KCNIP4: variants seen among roughly 807,000 people sequenced by gnomAD.
The protein encoded by KCNIP4 is Kv channel-interacting protein 4.
A neutral mutation model predicts 34.0 loss-of-function variants in KCNIP4; 12 were observed. The observed-to-expected ratio is 0.35, with a 90% CI of 0.23 to 0.57. The LOEUF is 0.57. Among genes scored for constraint, KCNIP4 ranks in the 20% least tolerant of loss-of-function variants. The pLI is 0.83. For synonymous variants in KCNIP4, 124 were observed against 102.2 expected, an observed-to-expected ratio of 1.21 and a Z score of -1.29; for missense variants, 238 against 311.7, an observed-to-expected ratio of 0.76 and a Z score of 1.78.
chr4:20,770,331 G>C lies in KCNIP4; in HGVS notation c.289-11441C>G, dbSNP rs774238726. On this transcript the variant is annotated intron_variant, in intron 3 of 8. Coordinates refer to ENST00000382152, the MANE Select transcript of KCNIP4 (RefSeq NM_025221.6). ...CCAAAATTCAATATTTTTTATGAGTGCTAAGAATAGTATCCCATATGCTGA... is the reference window on the plus strand; with the variant it reads ...CCAAAATTCAATATTTTTTATGAGTCCTAAGAATAGTATCCCATATGCTGA... 1.1e-3 allele frequency among the ~76,000 whole-genome samples: 161 copies of C among 152,310 alleles called. 1 individual carries two copies. The highest frequency in any genetic ancestry group is 3.4e-3 in the Middle Eastern group (1 of 294).
intron 1 of KCNIP4, among the ~76,000 whole-genome samples, chr4:21,338,001 T>G (rs1716346887): frequency 6.6e-6 from 1 of 152,180 alleles, no homozygotes; most frequent in Non-Finnish European, 1.5e-5. Context: ...TGACCCATGC[T>G]CCTTCCACTT....
chr4:21,284,418 A>G (rs1395822078), intron 1 of KCNIP4, among the ~76,000 whole-genome samples: 2 of 152,204 alleles, frequency 1.3e-5, no homozygotes, highest in African/African-American at 4.8e-5. Context: ...TGCAGATGTC[A>G]TTCCAGAAAA....
intron 1 of KCNIP4, among the ~76,000 whole-genome samples, chr4:21,258,179 C>T (rs1761205038): frequency 6.6e-6 from 1 of 152,126 alleles, no homozygotes; most frequent in African/African-American, 2.4e-5. Context: ...ACTTCACATA[C>T]AAATATATGT....
At chr4:21,245,027 A>G (rs191399287) in intron 1 of KCNIP4, among the ~76,000 whole-genome samples, 1 of 152,206 alleles carries the variant, frequency 6.6e-6, no homozygotes, top group Non-Finnish European at 1.5e-5. Flanking sequence ...ATGCCTTTCT[A>G]TCGTATACGA....
At chr4:20,805,185 CCTTTT>C (rs1478482269) in intron 3 of KCNIP4, among the ~76,000 whole-genome samples, 15 of 67,158 alleles carry the variant, frequency 2.2e-4, no homozygotes, top group Non-Finnish European at 2.8e-4. Flanking sequence ...ATAGATGCTT[CCTTTT>C]TTTTTTTTTT....
intron 1 of KCNIP4, among the ~76,000 whole-genome samples, chr4:21,770,939 T>C (rs1718739558): frequency 6.6e-6 from 1 of 152,196 alleles, no homozygotes; most frequent in Non-Finnish European, 1.5e-5. Flanking sequence ...AGAAGCTCTT[T>C]AGTTTAATTA....
At chr4:21,156,138 T>C (rs1012972335) in intron 1 of KCNIP4, among the ~76,000 whole-genome samples, 1 of 152,164 alleles carries the variant, frequency 6.6e-6, no homozygotes, top group Non-Finnish European at 1.5e-5. Flanking sequence ...TTGACAGATG[T>C]TACAGACTAC....
chr4:21,005,419 C>T (rs768593544), intron 1 of KCNIP4, among the ~76,000 whole-genome samples: 1 of 152,098 alleles, frequency 6.6e-6, no homozygotes, highest in Non-Finnish European at 1.5e-5. Flanking sequence ...TCACTTTTTC[C>T]CACTTATTGA....
At chr4:21,392,278 A>G (rs929643804) in intron 1 of KCNIP4, among the ~76,000 whole-genome samples, 9 of 151,672 alleles carry the variant, frequency 5.9e-5, no homozygotes, top group Non-Finnish European at 1.3e-4. Flanking sequence ...ACTAAGTGAT[A>G]ATTTTTGTCT....
chr4:21,424,730 C>T (rs1458991010), intron 1 of KCNIP4, among the ~76,000 whole-genome samples: 1 of 152,110 alleles, frequency 6.6e-6, no homozygotes, highest in Non-Finnish European at 1.5e-5. Flanking sequence ...AGCTGAAAGG[C>T]AAACTCAAGC....
At chr4:21,789,269 C>T (rs1311592954) in intron 1 of KCNIP4, among the ~76,000 whole-genome samples, 1 of 152,082 alleles carries the variant, frequency 6.6e-6, no homozygotes, top group Non-Finnish European at 1.5e-5. Flanking sequence ...TTTTCATTTA[C>T]TTTGGGAATG....
At chr4:21,245,846 A>T (rs1760161314) in intron 1 of KCNIP4, among the ~76,000 whole-genome samples, 1 of 152,196 alleles carries the variant, frequency 6.6e-6, no homozygotes, top group South Asian at 2.1e-4. Flanking sequence ...CTAGGGTGTC[A>T]TCTGCAAGTA....
At chr4:21,453,773 G>A (rs358574) in intron 1 of KCNIP4, among the ~76,000 whole-genome samples, 110,496 of 151,972 alleles carry the variant, frequency 0.73, 40,793 homozygotes, top group African/African-American at 0.84. Flanking sequence ...TAAATTGCCA[G>A]ATGAACGCAA....
At chr4:21,399,036 C>A (rs1031497541) in intron 1 of KCNIP4, among the ~76,000 whole-genome samples, 1 of 152,228 alleles carries the variant, frequency 6.6e-6, no homozygotes, top group Admixed American at 6.5e-5. Flanking sequence ...CATAGTGTGG[C>A]AAAAGGGTTT....
chr4:21,185,715 T>C (rs925509331), intron 1 of KCNIP4, among the ~76,000 whole-genome samples: 2 of 152,208 alleles, frequency 1.3e-5, no homozygotes, highest in Non-Finnish European at 2.9e-5. Context: ...TTTCAACTAA[T>C]CCTTAGGGTC....
intron 1 of KCNIP4, among the ~76,000 whole-genome samples, chr4:21,008,592 C>T (rs180911139): frequency 0.019 from 2,828 of 151,776 alleles, 79 homozygotes; most frequent in African/African-American, 0.063. Flanking sequence ...GGTGCGATCT[C>T]GGCTCACTGC....
At chr4:21,346,331 T>C (rs1717420016) in intron 1 of KCNIP4, among the ~76,000 whole-genome samples, 1 of 103,804 alleles carries the variant, frequency 9.6e-6, no homozygotes. Context: ...ATATTCTATT[T>C]ATAGTGCCTA....
intron 1 of KCNIP4, among the ~76,000 whole-genome samples, chr4:21,704,440 T>C (rs148997376): frequency 1.8e-3 from 276 of 152,212 alleles, no homozygotes; most frequent in African/African-American, 6.2e-3. Context: ...AGAGTGAAAG[T>C]GAAATATGCA....
intron 1 of KCNIP4, among the ~76,000 whole-genome samples, chr4:21,051,352 T>C (rs1186938480): frequency 6.6e-6 from 1 of 152,222 alleles, no homozygotes. Context: ...TGGTATTTGT[T>C]ATATATTTTA....
Sources: gnomAD v4.1 joint callset for allele counts (sites outside exome capture counted in the v4.1 genomes callset) on GRCh38, gnomAD v4.1.1 for gene constraint, MANE v1.5 for transcripts, NCBI Gene and HGNC (gene_info 2026-07-23, HGNC 2026-07-21) for gene names.